Variants in HERC2 observed in about 807,000 individuals in gnomAD.
HERC2 encodes the protein E3 ubiquitin-protein ligase HERC2.
A neutral mutation model predicts 537.7 loss-of-function variants in HERC2; 102 were observed. The ratio of observed to expected loss-of-function variants is 0.19; its 90% CI spans 0.16 to 0.22. HERC2 has a LOEUF of 0.22. Among genes scored for constraint, HERC2 ranks in the 10% least tolerant of loss-of-function variants. HERC2 has a pLI of 1.00. For missense variants in HERC2, 4,236 were observed against 6,198.2 expected, an observed-to-expected ratio of 0.68 and a Z score of 10.63; for synonymous variants, 2,224 against 2,466.2, an observed-to-expected ratio of 0.90 and a Z score of 2.91.
In HERC2 at chr15:28,248,489, G is replaced by A. The variant is rs114790826; in HGVS notation, c.3235+63C>T. ...TCTGGGCATATAGGATGGACACGTC[G>A]AAAAGCCTAAAGTAACGAGCCCCGA... is the stretch of plus-strand genomic sequence containing the variant. On this transcript the variant is annotated intron_variant, in intron 21 of 92. Coordinates refer to ENST00000261609, the MANE Select transcript of HERC2 (RefSeq NM_004667.6). 1,323 of 1,313,580 alleles carry A rather than the reference G, an allele frequency of 1.0e-3. 9 individuals are homozygous for A. The African/African-American group carries it at 0.016, about 16-fold the overall frequency. The allele number at this position is 1,313,580 out of a possible 1,614,324, so 81.4% of individuals were successfully genotyped here. A position where few individuals can be genotyped will look rare whatever the true frequency, so the allele number is the denominator to read the frequency against.
At chr15:28,299,250 T>G in intron 3 of HERC2, 152 bp downstream of exon 3, 1 of 472,538 alleles carries the variant, frequency 2.1e-6, no homozygotes, top group South Asian at 5.3e-5. Context: ...TTGTATTAAC[T>G]ACCATTTTAG....
At position 28,218,528 on chromosome 15, in the gene HERC2, G is replaced by A; in HGVS notation, c.5989C>T (p.Leu1997=). 2 of 1,597,102 alleles carry A rather than the reference G, an allele frequency of 1.3e-6. No individual in the cohort carries two copies. The highest frequency in any genetic ancestry group is 1.7e-6 in the Non-Finnish European group (2 of 1,179,720). The change falls in exon 38 of 93, where the codon CTG becomes TTG. Residue 1997 remains leucine, a synonymous_variant. Transcript: ENST00000261609. ...SEATKTLCGL[L]RMLVESGTTD... is the part of the protein sequence containing the mutation. ...GTTCCGCTTTCCACTAACATTCGCAGCAGTCCGCATAAAGTCTTGGTGGCT... is the reference window on the plus strand; with the variant it reads ...GTTCCGCTTTCCACTAACATTCGCAACAGTCCGCATAAAGTCTTGGTGGCT...
At chr15:28,118,865 T>C (rs1595978065) in intron 86 of HERC2, among the ~76,000 whole-genome samples, 1 of 152,244 alleles carries the variant, frequency 6.6e-6, no homozygotes, top group East Asian at 1.9e-4. Flanking sequence ...CATGCTACCC[T>C]GAACGGGAAG....
intron 65 of HERC2, among the ~76,000 whole-genome samples, chr15:28,170,394 C>T (rs1000640474): frequency 3.9e-5 from 6 of 152,192 alleles, no homozygotes; most frequent in African/African-American, 7.2e-5. Flanking sequence ...TGTTGACAAA[C>T]GTGCAAAAGC....
intron 5 of HERC2, among the ~76,000 whole-genome samples, chr15:28,276,526 G>T (rs1008151038): frequency 6.6e-6 from 1 of 152,072 alleles, no homozygotes; most frequent in Non-Finnish European, 1.5e-5. Context: ...CTTTAGGTCA[G>T]GAGTTTGAGA....
At chr15:28,165,287 G>A (rs1894012950) in intron 68 of HERC2, among the ~76,000 whole-genome samples, 1 of 152,214 alleles carries the variant, frequency 6.6e-6, no homozygotes, top group Non-Finnish European at 1.5e-5. Context: ...ACCACGGAGT[G>A]GGGGACAGCC....
Position 28,215,714 on chromosome 15 carries a change from T to C in HERC2, c.6117A>G (p.Val2039=), listed in dbSNP as rs2905940. Residue 2039 remains valine (V), a synonymous_variant, in exon 39 of 93, where the codon GTA becomes GTG. Coordinates refer to ENST00000261609, the MANE Select transcript of HERC2 (RefSeq NM_004667.6). The part of the protein sequence containing the change: ...FVRSIALTPQ[V]CGALSSPQWI... ...ACTGCGGGGAGCTGAGGGCGCCGCA[T>C]ACCTGCGGCGTGAGAGCGATGCTCC... The C allele has an allele frequency of 4.0e-5, 65 of 1,611,594 alleles. No individual in the cohort carries two copies. The highest frequency in any genetic ancestry group is 1.3e-4 in the East Asian group (6 of 44,878).
chr15:28,274,213 C>G (rs2075811478), intron 7 of HERC2, 78 bp downstream of exon 7: 1 of 1,500,616 alleles, frequency 6.7e-7, no homozygotes, highest in Non-Finnish European at 9.1e-7. Flanking sequence ...CTTCTTAGCT[C>G]TAAAGCAAGG....
At chr15:28,194,628 G>A (rs532373224) in intron 52 of HERC2, among the ~76,000 whole-genome samples, 10 of 151,996 alleles carry the variant, frequency 6.6e-5, no homozygotes, top group South Asian at 6.2e-4. Flanking sequence ...GTGCCTGGCC[G>A]ATCCTTTGAC....
At chr15:28,241,994 T>C (rs1903176794) in intron 23 of HERC2, among the ~76,000 whole-genome samples, 2 of 152,142 alleles carry the variant, frequency 1.3e-5, no homozygotes, top group Admixed American at 6.5e-5. Context: ...CACCTTAAAA[T>C]GTAAGGACAT....
chr15:28,314,419 T>C (rs1390178280), intron 2 of HERC2, among the ~76,000 whole-genome samples: 2 of 152,356 alleles, frequency 1.3e-5, no homozygotes, highest in East Asian at 3.9e-4. Context: ...GTATGCAGTA[T>C]ATGACTTCAC....
intron 35 of HERC2, among the ~76,000 whole-genome samples, chr15:28,227,252 G>A (rs111334430): frequency 0.07 from 10,555 of 151,528 alleles, 886 homozygotes; most frequent in East Asian, 0.42. Flanking sequence ...TCCAGCCTAG[G>A]CGACGGAGTG....
At chr15:28,200,853 A>G (rs1459133566) in intron 48 of HERC2, among the ~76,000 whole-genome samples, 1 of 142,080 alleles carries the variant, frequency 7.0e-6, no homozygotes, top group Non-Finnish European at 1.5e-5. Flanking sequence ...GATTTGGGGG[A>G]TTTTCTCTAA....
chr15:28,259,358 G>A (rs946434268), intron 16 of HERC2, among the ~76,000 whole-genome samples: 13 of 152,058 alleles, frequency 8.5e-5, no homozygotes, highest in Non-Finnish European at 1.3e-4. Context: ...GCCTCCCAAC[G>A]TGCTGGGATT....
intron 52 of HERC2, among the ~76,000 whole-genome samples, chr15:28,193,466 G>T (rs1300781268): frequency 1.3e-5 from 2 of 152,142 alleles, no homozygotes; most frequent in Admixed American, 6.5e-5. Context: ...GAAGGTAAAA[G>T]ATCTGCAGGA....
chr15:28,187,500 T>C (rs1896425336), intron 55 of HERC2, among the ~76,000 whole-genome samples: 2 of 151,794 alleles, frequency 1.3e-5, no homozygotes, highest in South Asian at 4.2e-4. Flanking sequence ...CCCGGCTAAT[T>C]TTTTGTATTT....
At chr15:28,220,217 A>G (rs995153291) in intron 37 of HERC2, among the ~76,000 whole-genome samples, 5 of 152,132 alleles carry the variant, frequency 3.3e-5, no homozygotes, top group African/African-American at 1.2e-4. Flanking sequence ...GGGTGCACAC[A>G]TGAGAGTAAA....
rs1442594838 is a variant in HERC2, at chr15:28,196,453, T to A, written c.8120+8A>T. 7 of 1,606,724 alleles carry A rather than the reference T, an allele frequency of 4.4e-6. No homozygotes were observed. Among genetic ancestry groups the A allele is most frequent in the Non-Finnish European group, 5.1e-6 (6 of 1,174,520 alleles). ...AAAGCAAATCTAGCAACCATAAAAA[T>A]AACTCACGTAACCCCAGGATGAATA... On this transcript the variant is annotated splice_region_variant and intron_variant, in intron 51 of 92. Coordinates refer to ENST00000261609, the MANE Select transcript of HERC2 (RefSeq NM_004667.6).
At chr15:28,219,253 T>TC (rs1293774177) in intron 37 of HERC2, among the ~76,000 whole-genome samples, 3 of 152,188 alleles carry the variant, frequency 2.0e-5, no homozygotes, top group African/African-American at 7.2e-5. Context: ...GACCAGACGC[T>TC]CATGCAGCCC....
Sources: allele counts gnomAD v4.1 joint callset (sites outside exome capture counted in the v4.1 genomes callset), GRCh38; gene constraint gnomAD v4.1.1; transcripts MANE v1.5; gene names NCBI Gene and HGNC (gene_info 2026-07-23, HGNC 2026-07-21).